KIZ: variants seen among roughly 807,000 people sequenced by gnomAD.
KIZ encodes kizuna centrosomal protein, also known as centrosomal protein kizuna.
Under a neutral mutation model 79.6 loss-of-function variants are expected in KIZ, and 68 were observed. The ratio of observed to expected loss-of-function variants is 0.85; its 90% CI spans 0.70 to 1.05. The LOEUF (loss-of-function observed/expected upper bound fraction) is 1.05, where lower values mean the gene tolerates loss of function less well. Among genes scored for constraint, KIZ ranks in the 50% least tolerant of loss-of-function variants. The pLI is 0.00. For synonymous variants in KIZ, 280 were observed against 281.8 expected, an observed-to-expected ratio of 0.99 and a Z score of 0.06; for missense variants, 797 against 800.4, an observed-to-expected ratio of 1.00 and a Z score of 0.05.
At chr20:21,134,827 CG>C (rs1167917253) in intron 2 of KIZ, among the ~76,000 whole-genome samples, 1 of 151,886 alleles carries the variant, frequency 6.6e-6, no homozygotes, top group Non-Finnish European at 1.5e-5. Flanking sequence ...CCACCACACC[CG>C]GCTAATTTTT....
chr20:21,239,979 C>G (rs1569007499), intron 11 of KIZ, among the ~76,000 whole-genome samples: 1 of 152,010 alleles, frequency 6.6e-6, no homozygotes, highest in Non-Finnish European at 1.5e-5. Flanking sequence ...GTGATGAAGT[C>G]AGTACAGCAG....
intron 11 of KIZ, among the ~76,000 whole-genome samples, chr20:21,237,296 C>G (rs867959133): frequency 3.5e-4 from 49 of 139,270 alleles, no homozygotes; most frequent in African/African-American, 1.3e-3. Flanking sequence ...AACAAAACTC[C>G]GTCTCAAAAA....
intron 6 of KIZ, among the ~76,000 whole-genome samples, chr20:21,179,658 G>A (rs1359104797): frequency 6.6e-6 from 1 of 151,868 alleles, no homozygotes; most frequent in Non-Finnish European, 1.5e-5. Context: ...TGTGAAGTTA[G>A]GTTGTTGATT....
intron 6 of KIZ, among the ~76,000 whole-genome samples, chr20:21,200,048 T>A (rs1488597356): frequency 6.6e-6 from 1 of 152,182 alleles, no homozygotes; most frequent in South Asian, 2.1e-4. Flanking sequence ...CTTGAACTCC[T>A]GGCCTCAAGT....
At chr20:21,219,196 C>T (rs1003396402) in intron 9 of KIZ, among the ~76,000 whole-genome samples, 2 of 150,596 alleles carry the variant, frequency 1.3e-5, no homozygotes, top group African/African-American at 2.4e-5. Flanking sequence ...GAATATTTAT[C>T]GAGCTTAATT....
chr20:21,172,595 T>C (rs1237697647), intron 6 of KIZ, among the ~76,000 whole-genome samples: 1 of 149,724 alleles, frequency 6.7e-6, no homozygotes, highest in Admixed American at 6.7e-5. Context: ...AGAGACTCTG[T>C]CTCAAAAAAA....
rs529079430 is a variant in KIZ at position 21,208,499 on chromosome 20, C to A, written c.1446+2915C>A. Among the ~76,000 whole-genome samples, 303 of 152,200 alleles carry A rather than the reference C, an allele frequency of 2.0e-3. 1 individual carries two copies. The highest frequency in any genetic ancestry group is 6.9e-3 in the African/African-American group (287 of 41,530). ...TGGGCGGATCACAAGGTCAGGAGAT[C>A]GAGACCATCTTGGCTAACACGGTGA... On this transcript the variant is annotated intron_variant, in intron 7 of 12. Coordinates refer to ENST00000619189, the MANE Select transcript of KIZ (RefSeq NM_018474.6).
At position 21,216,254 on chromosome 20, in the gene KIZ, C is replaced by T. The variant is rs936388300; in HGVS notation, c.1678+606C>T. On this transcript the variant is annotated intron_variant, in intron 9 of 12. Transcript: ENST00000619189. Reference sequence around the variant, plus strand: ...AATTAGTATTCTGTACAGAGTTCTACTTGTCATACATCTGAATTTACTAGT... The same window carrying T: ...AATTAGTATTCTGTACAGAGTTCTATTTGTCATACATCTGAATTTACTAGT... Among the ~76,000 whole-genome samples the T allele has an allele frequency of 2.0e-5, 3 of 152,104 alleles. No homozygotes were observed. The South Asian group carries it at 6.2e-4, about 31-fold the overall frequency.
At chr20:21,126,230 G>A (rs931877776) in intron 1 of KIZ, 26 bp downstream of exon 1, 10 of 1,343,266 alleles carry the variant, frequency 7.4e-6, no homozygotes, top group Non-Finnish European at 9.8e-6. Flanking sequence ...CGGGGGTGGG[G>A]AGTCGGCCCG....
chr20:21,134,812 A>G (rs1312041566), intron 2 of KIZ, among the ~76,000 whole-genome samples: 1 of 151,846 alleles, frequency 6.6e-6, no homozygotes, highest in East Asian at 1.9e-4. Flanking sequence ...GATTACGGAC[A>G]CATACCACCA....
intron 3 of KIZ, among the ~76,000 whole-genome samples, chr20:21,139,856 T>C (rs1440134112): frequency 6.6e-6 from 1 of 152,244 alleles, no homozygotes; most frequent in Non-Finnish European, 1.5e-5. Context: ...GTGTTCCTTA[T>C]TTGAATTTTG....
Position 21,158,376 on chromosome 20 carries a change from G to T in KIZ, c.406-3495G>T, listed in dbSNP as rs1273172955. 7 of 152,178 alleles carry T rather than the reference G, an allele frequency of 4.6e-5. 1 individual carries two copies. The highest frequency in any genetic ancestry group is 6.5e-5 in the Admixed American group (1 of 15,286). The allele number at this position is 152,178 out of a possible 1,614,324, so 9.4% of individuals were successfully genotyped here. ...AGGCAGGCTTGACCCAGCAATTTCA[G>T]TTCTAGAAAAGTATCCTACTGATAA... On this transcript the variant is annotated intron_variant, in intron 4 of 12. Coordinates refer to ENST00000619189, the MANE Select transcript of KIZ (RefSeq NM_018474.6).
At chr20:21,162,804 C>A in intron 5 of KIZ, 46 bp from the exon 6 acceptor site, 1 of 1,494,884 alleles carries the variant, frequency 6.7e-7, no homozygotes, top group Non-Finnish European at 9.2e-7. Context: ...ACCTTGCTTC[C>A]TCCTGAAGTC....
chr20:21,134,855 C>T (rs1265813637), intron 2 of KIZ, among the ~76,000 whole-genome samples: 3 of 151,790 alleles, frequency 2.0e-5, no homozygotes, highest in East Asian at 1.9e-4. Context: ...TTAGTAGAGG[C>T]GGTGTTTCAC....
intron 6 of KIZ, among the ~76,000 whole-genome samples, chr20:21,183,567 A>G (rs2034746802): frequency 6.6e-6 from 1 of 152,164 alleles, no homozygotes; most frequent in Non-Finnish European, 1.5e-5. Flanking sequence ...GCTTTTAATG[A>G]CCATTTCTTT....
chr20:21,167,347 T>C (rs1389425933), intron 6 of KIZ, among the ~76,000 whole-genome samples: 1 of 152,182 alleles, frequency 6.6e-6, no homozygotes, highest in Non-Finnish European at 1.5e-5. Context: ...TGGGAACACA[T>C]GGTAACAAAG....
At chr20:21,144,942 C>T (rs1281268217) in intron 3 of KIZ, among the ~76,000 whole-genome samples, 1 of 152,122 alleles carries the variant, frequency 6.6e-6, no homozygotes, top group Non-Finnish European at 1.5e-5. Flanking sequence ...AAGATTGAAT[C>T]ACTTTCACCA....
At chr20:21,194,019 G>A (rs1364655038) in intron 6 of KIZ, 1 of 151,736 alleles carries the variant, frequency 6.6e-6, no homozygotes, top group Non-Finnish European at 1.5e-5. Flanking sequence ...AATAAAATTA[G>A]ACAAACAAAA....
At chr20:21,166,358 G>C (rs894490271) in intron 6 of KIZ, 10 of 1,603,698 alleles carry the variant, frequency 6.2e-6, no homozygotes, top group Admixed American at 3.3e-5. Flanking sequence ...TGAGTTGCAC[G>C]TCAAATCTGG....
Sources: gnomAD v4.1 joint callset for allele counts (sites outside exome capture counted in the v4.1 genomes callset) on GRCh38, gnomAD v4.1.1 for gene constraint, MANE v1.5 for transcripts, NCBI Gene and HGNC (gene_info 2026-07-23, HGNC 2026-07-21) for gene names.